ELP1: variants seen among roughly 807,000 people sequenced by gnomAD.
ELP1 encodes elongator complex protein 1.
Under a neutral mutation model 183.2 loss-of-function variants are expected in ELP1, and 131 were observed. That is an observed-to-expected ratio of 0.72 (90% CI 0.62 to 0.83). The LOEUF (loss-of-function observed/expected upper bound fraction) is 0.83. Among genes scored for constraint, ELP1 ranks in the 40% least tolerant of loss-of-function variants. The pLI, the probability that ELP1 is intolerant of heterozygous loss-of-function variation, is 0.00. For synonymous variants in ELP1, 555 were observed against 569.0 expected, an observed-to-expected ratio of 0.98 and a Z score of 0.35; for missense variants, 1,550 against 1,594.9, an observed-to-expected ratio of 0.97 and a Z score of 0.48.
chr9:108,899,947 T>G, intron 19 of ELP1, 52 bp from the exon 20 acceptor site: 1 of 1,411,758 alleles, frequency 7.1e-7, no homozygotes. Context: ...AACATTTAAA[T>G]AGCCAGGATA....
chr9:108,931,113 A>G lies in ELP1; in HGVS notation c.34T>C (p.Phe12Leu), dbSNP rs776542345. The stretch of plus-strand genomic sequence containing the variant: ...TTCCCTGGACCTTGAATATCCCTGA[A>G]CTCCAGGGTCCGAAATAATTTCAGA... ...RNLKLFRTLE[F>L]RDIQGPGNPQ... The change falls in exon 2 of 37, where the codon TTC becomes CTC. Residue 12 changes from phenylalanine (F) to leucine (L), a missense_variant. Phe to Leu is a conservative substitution (Grantham distance 22). Transcript: ENST00000374647. The G allele has an allele frequency of 3.1e-6, 5 of 1,613,992 alleles. No individual in the cohort carries two copies. The highest frequency in any genetic ancestry group is 3.4e-6 in the Non-Finnish European group (4 of 1,179,942).
chr9:108,877,066 T>A (rs1166441680), intron 35 of ELP1, among the ~76,000 whole-genome samples: 5 of 152,158 alleles, frequency 3.3e-5, no homozygotes, highest in African/African-American at 1.2e-4. Context: ...GCAGCAGCTG[T>A]TCCTTCCAGT....
chr9:108,906,167 C>A, intron 14 of ELP1, 136 bp downstream of exon 14: 1 of 804,848 alleles, frequency 1.2e-6, no homozygotes, highest in South Asian at 1.5e-5. Flanking sequence ...ACTTAACCTT[C>A]TTGTTAAGTG....
In ELP1 at chr9:108,929,854, C is replaced by T. The variant is rs1202726398; in HGVS notation, c.218G>A (p.Gly73Asp). The change falls in exon 3 of 37, where the codon GGT (glycine) becomes GAT (aspartate). Residue 73 changes from glycine to aspartate, a missense_variant. Transcript: ENST00000374647. ...CTCCTGATCCAGCAAGTCCTGAACA[C>T]CAACAATGCGGCCACTTCCATCCTC... is the stretch of plus-strand genomic sequence containing the variant. ...LPEDGSGRIVGVQDLLDQESV... is the reference protein window; with the variant it reads ...LPEDGSGRIVDVQDLLDQESV... The T allele has an allele frequency of 1.3e-5, 21 of 1,613,846 alleles. No homozygotes were observed. The highest frequency in any genetic ancestry group is 1.6e-5 in the Non-Finnish European group (19 of 1,180,036).
chr9:108,898,437 G>T (rs1413953323), intron 22 of ELP1, 65 bp downstream of exon 22: 1 of 1,067,634 alleles, frequency 9.4e-7, no homozygotes, highest in East Asian at 2.5e-5. Flanking sequence ...ATTTATGCTT[G>T]ATTTCCTTAA....
At chr9:108,880,204 T>G in intron 31 of ELP1, 39 bp from the exon 32 acceptor site, 4 of 1,390,850 alleles carry the variant, frequency 2.9e-6, no homozygotes, top group Non-Finnish European at 4.1e-6. Flanking sequence ...AGCATGAGGT[T>G]TAAGCAAAGA....
intron 22 of ELP1, among the ~76,000 whole-genome samples, chr9:108,898,100 T>TG (rs570431058): frequency 1.3e-3 from 194 of 152,302 alleles, no homozygotes; most frequent in African/African-American, 4.6e-3. Context: ...AAATATAAAC[T>TG]GGCGAATCCA....
At chr9:108,883,309 G>A (rs991419326) in intron 29 of ELP1, among the ~76,000 whole-genome samples, 1 of 152,172 alleles carries the variant, frequency 6.6e-6, no homozygotes, top group East Asian at 1.9e-4. Flanking sequence ...GACTACAGGT[G>A]CACACCGCCA....
chr9:108,872,580 G>A (rs1827500109), intron 36 of ELP1, among the ~76,000 whole-genome samples: 1 of 151,854 alleles, frequency 6.6e-6, no homozygotes, highest in African/African-American at 2.4e-5. Context: ...CGAGGCGGGT[G>A]GATCACGAGG....
chr9:108,895,850 C>T (rs1427395287), intron 25 of ELP1, among the ~76,000 whole-genome samples: 1 of 152,166 alleles, frequency 6.6e-6, no homozygotes, highest in Non-Finnish European at 1.5e-5. Flanking sequence ...CCACCCTCCA[C>T]TAGAAAAAAG....
chr9:108,925,098 A>G (rs1829785060), intron 5 of ELP1, among the ~76,000 whole-genome samples: 1 of 151,964 alleles, frequency 6.6e-6, no homozygotes, highest in Non-Finnish European at 1.5e-5. Flanking sequence ...CTTATCTTTC[A>G]TCTGGATTCC....
chr9:108,878,020 G>A lies in ELP1; in HGVS notation c.3830C>T (p.Thr1277Ile), dbSNP rs767751268. 1.2e-6 allele frequency: 2 copies of A among 1,614,208 alleles called. No homozygotes were observed. Among genetic ancestry groups the A allele is most frequent in the Non-Finnish European group, 1.7e-6 (2 of 1,180,030 alleles). The change falls in exon 35 of 37, where the codon ACT becomes ATT. Residue 1277 changes from threonine to isoleucine, a missense_variant. Physicochemically the swap from Thr to Ile is moderately conservative, Grantham distance 89 (BLOSUM62 -1). Coordinates refer to ENST00000374647, the MANE Select transcript of ELP1 (RefSeq NM_003640.5). ...ERSLPEIWTLTYQQNSATPVL... is the reference protein window; with the variant it reads ...ERSLPEIWTLIYQQNSATPVL... ...CGGGGTAGCTGAATTCTGCTGGTAA[G>A]TAAGAGTCCAAATTTCTGGAAGTGA... is the stretch of plus-strand genomic sequence containing the variant.
At chr9:108,872,785 A>T (rs1342641856) in intron 36 of ELP1, among the ~76,000 whole-genome samples, 1 of 117,132 alleles carries the variant, frequency 8.5e-6, no homozygotes. Flanking sequence ...CGCCTGGGCC[A>T]CAGAGCAAGA....
In ELP1 at chr9:108,929,848, T is replaced by C. The variant is rs747026449; in HGVS notation, c.224A>G (p.Gln75Arg). Reference sequence around the variant, plus strand: ...CACAGACTCCTGATCCAGCAAGTCCTGAACACCAACAATGCGGCCACTTCC... The same window carrying C: ...CACAGACTCCTGATCCAGCAAGTCCCGAACACCAACAATGCGGCCACTTCC... ...EDGSGRIVGV[Q>R]DLLDQESVCV... Residue 75 changes from glutamine to arginine, a missense_variant, in exon 3 of 37, where the codon CAG becomes CGG. Transcript: ENST00000374647. The C allele has an allele frequency of 6.2e-6, 10 of 1,614,000 alleles. No individual in the cohort carries two copies. Among genetic ancestry groups the C allele is most frequent in the African/African-American group, 1.3e-5 (1 of 75,054 alleles).
intron 33 of ELP1, among the ~76,000 whole-genome samples, chr9:108,879,241 C>G (rs1344570742): frequency 6.6e-6 from 1 of 152,162 alleles, no homozygotes; most frequent in Non-Finnish European, 1.5e-5. Flanking sequence ...AACACACAAG[C>G]CACAAGGCTG....
At chr9:108,931,352 A>G (rs1829998976) in intron 1 of ELP1, among the ~76,000 whole-genome samples, 151 bp from the exon 2 acceptor site, 1 of 152,238 alleles carries the variant, frequency 6.6e-6, no homozygotes, top group Admixed American at 6.5e-5. Flanking sequence ...TATGGATTAT[A>G]GCAGCAACCT....
At position 108,880,049 on chromosome 9, in the gene ELP1, C is replaced by T; in HGVS notation, c.3460+3G>A. 9 of 1,598,946 alleles carry T rather than the reference C, an allele frequency of 5.6e-6. No homozygotes were observed. Among genetic ancestry groups the T allele is most frequent in the Non-Finnish European group, 7.7e-6 (9 of 1,166,070 alleles). ...CGTCGATGGCCTTCACGCAGATACT[C>T]ACCCAGACCTGCCTGCTGGGCTTGC... On this transcript the variant is annotated splice_donor_region_variant and intron_variant, in intron 32 of 36. Transcript: ENST00000374647.
intron 10 of ELP1, 29 bp from the exon 11 acceptor site, chr9:108,912,523 T>C (rs778452902): frequency 1.3e-6 from 2 of 1,542,596 alleles, no homozygotes; most frequent in East Asian, 2.2e-5. Flanking sequence ...AGAAGGCCGT[T>C]AGAGGCTGGG....
chr9:108,910,210 T>C (rs1420925820), intron 12 of ELP1, among the ~76,000 whole-genome samples: 1 of 152,196 alleles, frequency 6.6e-6, no homozygotes, highest in Non-Finnish European at 1.5e-5. Flanking sequence ...AACAGCATTT[T>C]ACACACTGAA....
Sources: gnomAD v4.1 joint callset for allele counts (sites outside exome capture counted in the v4.1 genomes callset) on GRCh38, gnomAD v4.1.1 for gene constraint, MANE v1.5 for transcripts, NCBI Gene and HGNC (gene_info 2026-07-23, HGNC 2026-07-21) for gene names.